Variants in PP2D1 observed in about 807,000 individuals in gnomAD.
PP2D1 encodes the protein protein phosphatase 2C like domain containing 1, also known as protein phosphatase 2C-like domain-containing protein 1.
In PP2D1, 25 loss-of-function variants were observed where a neutral mutation model predicts 30.2. That is an observed-to-expected ratio of 0.83 (90% confidence interval 0.60 to 1.16). The LOEUF (loss-of-function observed/expected upper bound fraction) is 1.16. Among genes scored for constraint, PP2D1 ranks in the 50% most tolerant of loss-of-function variants. PP2D1 has a pLI of 0.00. For synonymous variants in PP2D1, 260 were observed against 258.9 expected (o/e 1.00, Z -0.04); for missense variants, 760 against 742.4 (o/e 1.02, Z -0.28).
rs1243804623 is a variant in PP2D1, at chr3:20,000,295, TTACTC to T, written c.1090+730_1090+734del. ...GTTATTGTAAGACTAGACGAGGAAA[TTACTC>T]TGTATTCAATATTCAGTAAGTGGAC... On this transcript the variant is annotated intron_variant, in intron 2 of 2. Coordinates refer to ENST00000389050, the MANE Select transcript of PP2D1 (RefSeq NM_001252657.2). Among the ~76,000 whole-genome samples, 3 of 152,202 alleles carry T rather than the reference TTACTC, an allele frequency of 2.0e-5. No individual in the cohort carries two copies. The East Asian group carries it at 5.8e-4, about 29-fold the overall frequency.
chr3:19,988,063 C>T (rs768576660), intron 2 of PP2D1, among the ~76,000 whole-genome samples: 6 of 152,060 alleles, frequency 3.9e-5, no homozygotes, highest in African/African-American at 7.2e-5. Context: ...GTGATGATTG[C>T]GTTAACTGCA....
chr3:19,991,894 T>C (rs896149710), intron 2 of PP2D1, among the ~76,000 whole-genome samples: 1 of 152,192 alleles, frequency 6.6e-6, no homozygotes, highest in African/African-American at 2.4e-5. Flanking sequence ...ATTACAGGCT[T>C]AAGATAGTAG....
Position 19,985,848 on chromosome 3 carries a change from G to A in PP2D1, c.1425C>T (p.His475=). The A allele has an allele frequency of 6.5e-7, 1 of 1,536,252 alleles. No homozygotes were observed. Among genetic ancestry groups the A allele is most frequent in the Non-Finnish European group, 8.7e-7 (1 of 1,146,876 alleles). Residue 475 remains histidine, a synonymous_variant, in exon 3 of 3, where the codon CAC becomes CAT. Coordinates refer to ENST00000389050, the MANE Select transcript of PP2D1 (RefSeq NM_001252657.2). ...EVTALAMTTF[H]MYKETYCPII... is the part of the protein sequence containing the mutation. ...TAGGACAGTATGTTTCTTTATACATGTGAAATGTTGTCATTGCCAGGGCAG... is the reference window on the plus strand; with the variant it reads ...TAGGACAGTATGTTTCTTTATACATATGAAATGTTGTCATTGCCAGGGCAG...
chr3:19,989,201 G>A (rs138263757), intron 2 of PP2D1, among the ~76,000 whole-genome samples: 71 of 152,216 alleles, frequency 4.7e-4, no homozygotes, highest in Admixed American at 1.5e-3. Context: ...GCGTGATGGT[G>A]CACACCTGTA....
downstream of PP2D1, chr3:19,984,223 T>C (rs753656222): frequency 2.9e-4 from 123 of 423,388 alleles, 1 homozygote; most frequent in Non-Finnish European, 4.3e-4. Context: ...ACATTCTTTG[T>C]TTAGAAGGAG....
chr3:19,981,618 A>G (rs1696929648), downstream of PP2D1, among the ~76,000 whole-genome samples: 1 of 152,084 alleles, frequency 6.6e-6, no homozygotes, highest in African/African-American at 2.4e-5. Flanking sequence ...CGCCTCAAAA[A>G]AAAAAAAATC....
chr3:19,996,351 C>T (rs1479202329), intron 2 of PP2D1, among the ~76,000 whole-genome samples: 4 of 152,032 alleles, frequency 2.6e-5, no homozygotes, highest in Admixed American at 6.6e-5. Flanking sequence ...TGGATAAACA[C>T]GTGGACACTT....
Position 20,001,145 on chromosome 3 carries a change from A to G in PP2D1, c.975T>C (p.Ser325=), listed in dbSNP as rs1190181169. ...VTCILEGKPK[S]PYAHKNWKRK... ...TTTTCCAATTCTTATGAGCATAAGG[A>G]CTTTTAGGTTTGCCTTCCAATATAC... Residue 325 remains serine (S), a synonymous_variant, in exon 2 of 3, where the codon AGT becomes AGC. Coordinates refer to ENST00000389050, the MANE Select transcript of PP2D1 (RefSeq NM_001252657.2). The G allele has an allele frequency of 6.8e-6, 10 of 1,468,704 alleles. No individual in the cohort carries two copies. Among genetic ancestry groups the G allele is most frequent in the South Asian group, 1.3e-5 (1 of 74,222 alleles). The allele number at this position is 1,468,704 out of a possible 1,614,324, so 91.0% of individuals were successfully genotyped here.
chr3:20,006,275 A>G (rs1335660505), intron 1 of PP2D1, among the ~76,000 whole-genome samples: 1 of 152,000 alleles, frequency 6.6e-6, no homozygotes, highest in African/African-American at 2.4e-5. Context: ...AAACAAATAC[A>G]TTTTCTGAAG....
chr3:19,990,753 A>AT (rs34466477), intron 2 of PP2D1, among the ~76,000 whole-genome samples: 28,029 of 139,958 alleles, frequency 0.2, 2,890 homozygotes, highest in Middle Eastern at 0.24. Flanking sequence ...TTAGAGGAAG[A>AT]TTTTTTTTTT....
intron 1 of PP2D1, chr3:20,007,851 T>A (rs1575089774): frequency 5.3e-6 from 1 of 189,536 alleles, no homozygotes; most frequent in Non-Finnish European, 1.1e-5. Flanking sequence ...CCTGAAGGAG[T>A]GGGAGTAATC....
Position 20,001,888 on chromosome 3 carries a change from T to C in PP2D1, c.232A>G (p.Ile78Val). The change falls in exon 2 of 3, where the codon ATT (isoleucine) becomes GTT (valine). Residue 78 changes from isoleucine (I) to valine (V), a missense_variant. Ile to Val is a conservative substitution (Grantham distance 29). Transcript: ENST00000389050. ...ICKHEIDLTGIFLHKKQHVAL... is the reference protein window; with the variant it reads ...ICKHEIDLTGVFLHKKQHVAL... ...ACATGTTGCTTCTTATGGAGAAAAA[T>C]ACCAGTTAGGTCAATTTCGTGCTTG... is the stretch of plus-strand genomic sequence containing the variant. 6.5e-7 allele frequency: 1 copy of C among 1,536,276 alleles called. No homozygotes were observed. Among genetic ancestry groups the C allele is most frequent in the Non-Finnish European group, 8.7e-7 (1 of 1,146,934 alleles).
intron 2 of PP2D1, among the ~76,000 whole-genome samples, chr3:19,990,707 G>T (rs551939023): frequency 6.6e-6 from 1 of 151,316 alleles, no homozygotes; most frequent in South Asian, 2.1e-4. Context: ...AGCTTGAACA[G>T]AATAATGAAC....
intron 2 of PP2D1, among the ~76,000 whole-genome samples, chr3:19,988,312 GGTCTCTGAAATGGCCTCTCTGGGAAT>G (rs1433285438): frequency 6.6e-6 from 1 of 152,120 alleles, no homozygotes; most frequent in Non-Finnish European, 1.5e-5. Flanking sequence ...CCTAGGGGGA[GGTCTCTGAAATGGCCTCTCTGGGAAT>G]GTCTCTTGTA....
At chr3:19,990,187 C>T (rs1340658462) in intron 2 of PP2D1, among the ~76,000 whole-genome samples, 3 of 152,206 alleles carry the variant, frequency 2.0e-5, no homozygotes, top group African/African-American at 4.8e-5. Context: ...CTCTGTCACC[C>T]AGGCTGGAGT....
chr3:20,005,427 C>T (rs144205187), intron 1 of PP2D1, among the ~76,000 whole-genome samples: 2,632 of 152,238 alleles, frequency 0.017, 64 homozygotes, highest in African/African-American at 0.059. Context: ...GCTGGGATTA[C>T]AGGCATTAGC....
At chr3:19,983,623 G>A (rs1021282687), downstream of PP2D1, 15 of 952,712 alleles carry the variant, frequency 1.6e-5, no homozygotes, top group Middle Eastern at 2.2e-4. Context: ...TAACCTAACT[G>A]GAAAGAAAAA....
intron 1 of PP2D1, among the ~76,000 whole-genome samples, chr3:20,011,398 A>G (rs1310774560): frequency 1.3e-5 from 2 of 152,236 alleles, no homozygotes; most frequent in Non-Finnish European, 2.9e-5. Context: ...TACTTGTATC[A>G]GAACTTCATT....
chr3:19,996,153 T>C (rs1479356596), intron 2 of PP2D1, among the ~76,000 whole-genome samples: 8 of 152,022 alleles, frequency 5.3e-5, no homozygotes, highest in Non-Finnish European at 8.8e-5. Flanking sequence ...AAACAAAAGG[T>C]TGTTTTTATG....
Sources: allele counts gnomAD v4.1 joint callset (sites outside exome capture counted in the v4.1 genomes callset), GRCh38; gene constraint gnomAD v4.1.1; transcripts MANE v1.5; gene names NCBI Gene and HGNC (gene_info 2026-07-23, HGNC 2026-07-21).